RALY: variants seen among roughly 807,000 people sequenced by gnomAD.
The protein encoded by RALY is RNA-binding protein Raly.
A neutral mutation model predicts 30.7 loss-of-function variants in RALY; 15 were observed. The ratio of observed to expected loss-of-function variants is 0.49; its 90% confidence interval spans 0.33 to 0.75. The LOEUF (loss-of-function observed/expected upper bound fraction) is 0.75, where lower values mean the gene tolerates loss of function less well. RALY is among the 30% of genes least tolerant of loss of function. The pLI is 0.02. For synonymous variants in RALY, 177 were observed against 170.8 expected, an observed-to-expected ratio of 1.04 and a Z score of -0.28; for missense variants, 339 against 414.3, an observed-to-expected ratio of 0.82 and a Z score of 1.58.
chr20:34,068,146 A>G (rs1343220389), intron 2 of RALY, among the ~76,000 whole-genome samples: 1 of 151,974 alleles, frequency 6.6e-6, no homozygotes, highest in East Asian at 1.9e-4. Flanking sequence ...CAATCCTTCT[A>G]CCCACCTCTC....
intron 2 of RALY, among the ~76,000 whole-genome samples, chr20:34,046,234 G>A (rs748508988): frequency 1.3e-5 from 2 of 152,150 alleles, no homozygotes; most frequent in Non-Finnish European, 2.9e-5. Context: ...TTGAAGCCCA[G>A]CCCCAGTCTT....
At chr20:34,029,478 A>AAGGGAGGG (rs3831778) in intron 1 of RALY, among the ~76,000 whole-genome samples, 2,077 of 56,144 alleles carry the variant, frequency 0.037, 286 homozygotes, top group African/African-American at 0.19. Flanking sequence ...GGAGGGAGGA[A>AAGGGAGGG]AGGGAGGGAG....
chr20:34,034,599 A>AT (rs2032409561), intron 2 of RALY, among the ~76,000 whole-genome samples: 1 of 152,226 alleles, frequency 6.6e-6, no homozygotes, highest in South Asian at 2.1e-4. Context: ...ATAATAGCTT[A>AT]TTTATCTAAC....
At chr20:34,076,393 A>G (rs1229809121) in intron 6 of RALY, among the ~76,000 whole-genome samples, 1 of 152,156 alleles carries the variant, frequency 6.6e-6, no homozygotes, top group Non-Finnish European at 1.5e-5. Context: ...ATTCCAAAAG[A>G]CACATGTTCT....
intron 1 of RALY, chr20:34,014,937 A>AT (rs1226979380): frequency 1.3e-5 from 2 of 152,178 alleles, no homozygotes; most frequent in Non-Finnish European, 2.9e-5. Context: ...ATAAAATCAG[A>AT]TTTTTTCAAA....
chr20:34,073,858 C>T lies in RALY; in HGVS notation c.369C>T (p.Phe123=), dbSNP rs774494180. The part of the protein sequence containing the change: ...IFDYDYYRDD[F]YDRLFDYRGR... ...ACTATGATTACTACCGGGACGACTTCTACGACAGGTGAGCAGGGGAGGGGC... is the reference window on the plus strand; with the variant it reads ...ACTATGATTACTACCGGGACGACTTTTACGACAGGTGAGCAGGGGAGGGGC... Residue 123 remains phenylalanine (F), a synonymous_variant, in exon 5 of 10, where the codon TTC becomes TTT. Transcript: ENST00000246194. The T allele has an allele frequency of 1.9e-6, 3 of 1,614,112 alleles. No homozygotes were observed. The highest frequency in any genetic ancestry group is 1.1e-5 in the South Asian group (1 of 91,084).
chr20:34,021,821 A>C (rs1227687837), intron 1 of RALY, among the ~76,000 whole-genome samples: 1 of 152,086 alleles, frequency 6.6e-6, no homozygotes, highest in Non-Finnish European at 1.5e-5. Context: ...GATCTTCCTC[A>C]GGAGACGGAA....
At chr20:34,015,800 A>G (rs1568656144) in intron 1 of RALY, among the ~76,000 whole-genome samples, 1 of 152,040 alleles carries the variant, frequency 6.6e-6, no homozygotes, top group Non-Finnish European at 1.5e-5. Context: ...AGAGGCAGAC[A>G]CCTACTTTTC....
chr20:34,031,531 AT>A lies in RALY; in HGVS notation c.-81del, dbSNP rs2032278560. ...TCTCTCTCTATTGTAGGTGAGCCCT[AT>A]TCCCAGAGGCAGGTGGTGCTGACCC... On this transcript the variant is annotated 5_prime_UTR_variant, in exon 2 of 10. Coordinates refer to ENST00000246194, the MANE Select transcript of RALY (RefSeq NM_016732.3). 1 of 152,154 alleles carries A rather than the reference AT, an allele frequency of 6.6e-6. No individual in the cohort carries two copies. Among genetic ancestry groups the A allele is most frequent in the African/African-American group, 2.4e-5 (1 of 41,426 alleles). 9.4% of individuals were successfully genotyped at this position (152,154 alleles called of 1,614,324 possible).
intron 9 of RALY, 121 bp downstream of exon 9, chr20:34,078,674 AC>A: frequency 1.1e-6 from 1 of 917,212 alleles, no homozygotes; most frequent in Non-Finnish European, 1.5e-6. Context: ...CACTGACTAT[AC>A]CCAAGAATGA....
At chr20:34,064,725 G>A (rs1467132639) in intron 2 of RALY, among the ~76,000 whole-genome samples, 1 of 152,232 alleles carries the variant, frequency 6.6e-6, no homozygotes, top group Non-Finnish European at 1.5e-5. Context: ...AGGAGCTAGA[G>A]TGCCAGGCTA....
intron 2 of RALY, among the ~76,000 whole-genome samples, chr20:34,042,327 G>T (rs1203910818): frequency 6.6e-6 from 1 of 152,180 alleles, no homozygotes; most frequent in Non-Finnish European, 1.5e-5. Flanking sequence ...TTTTATCATT[G>T]TTAAATTGAA....
intron 2 of RALY, among the ~76,000 whole-genome samples, chr20:34,069,014 C>G (rs2033654223): frequency 6.6e-6 from 1 of 152,182 alleles, no homozygotes; most frequent in Admixed American, 6.5e-5. Context: ...AGCATTTCTC[C>G]TTTTAACTGC....
At chr20:34,052,282 C>T (rs2033103630) in intron 2 of RALY, among the ~76,000 whole-genome samples, 1 of 152,110 alleles carries the variant, frequency 6.6e-6, no homozygotes. Flanking sequence ...CTTGGAGCCC[C>T]TTTTTTGAGG....
intron 1 of RALY, among the ~76,000 whole-genome samples, chr20:34,016,824 C>G (rs1056888778): frequency 2.3e-4 from 35 of 152,386 alleles, no homozygotes; most frequent in African/African-American, 7.7e-4. Flanking sequence ...GGGCATTTGG[C>G]CAGAGGCCAG....
At chr20:34,035,973 G>A (rs1601448760) in intron 2 of RALY, among the ~76,000 whole-genome samples, 1 of 152,254 alleles carries the variant, frequency 6.6e-6, no homozygotes, top group Non-Finnish European at 1.5e-5. Flanking sequence ...TCTAAGGAAC[G>A]AAAGGAGGCC....
chr20:34,063,363 G>C (rs1002808620), intron 2 of RALY, among the ~76,000 whole-genome samples: 1 of 152,194 alleles, frequency 6.6e-6, no homozygotes, highest in Non-Finnish European at 1.5e-5. Flanking sequence ...GAGCAATCTA[G>C]TGGAATGGGA....
Position 34,035,094 on chromosome 20 carries a change from A to G in RALY, c.-10+3490A>G, listed in dbSNP as rs1448624899. Among the ~76,000 whole-genome samples the G allele has an allele frequency of 3.0e-5, 4 of 135,152 alleles. No individual in the cohort carries two copies. The East Asian group carries it at 7.7e-4, about 26-fold the overall frequency. The allele number at this position is 135,152 out of a possible 152,430, so 88.7% of individuals were successfully genotyped here. On this transcript the variant is annotated intron_variant, in intron 2 of 9. Coordinates refer to ENST00000246194, the MANE Select transcript of RALY (RefSeq NM_016732.3). Reference sequence around the variant, plus strand: ...TGTGAACCCGGGAGGCAGAGCTTGCAGTGAGCTGAGATTGCGCCACTCTAC... The same window carrying G: ...TGTGAACCCGGGAGGCAGAGCTTGCGGTGAGCTGAGATTGCGCCACTCTAC...
At chr20:33,995,631 C>G (rs893346000) in intron 1 of RALY, among the ~76,000 whole-genome samples, 2 of 152,094 alleles carry the variant, frequency 1.3e-5, no homozygotes, top group South Asian at 2.1e-4. Context: ...TCTTTGGAGT[C>G]TGGTACGTCT....
Sources: allele counts gnomAD v4.1 joint callset (sites outside exome capture counted in the v4.1 genomes callset), GRCh38; gene constraint gnomAD v4.1.1; transcripts MANE v1.5; gene names NCBI Gene and HGNC (gene_info 2026-07-23, HGNC 2026-07-21).